The following RP1L1 variants were observed in gnomAD, a reference collection of about 807,000 sequenced individuals.
The protein encoded by RP1L1 is RP1 like 1, also known as retinitis pigmentosa 1-like 1 protein.
In RP1L1, 27 loss-of-function variants were observed where a neutral mutation model predicts 15.7. That is an observed-to-expected ratio of 1.72 (90% CI 1.27 to 2.38). The LOEUF (loss-of-function observed/expected upper bound fraction) is 2.38. Among genes scored for constraint, RP1L1 ranks in the 30% most tolerant of loss-of-function variants. RP1L1 has a pLI of 0.00. For missense variants in RP1L1, 4,798 were observed against 3,075.9 expected, an observed-to-expected ratio of 1.56 and a Z score of -13.24; for synonymous variants, 1,813 against 1,276.7, an observed-to-expected ratio of 1.42 and a Z score of -8.96.
chr8:10,626,709 T>G (rs540646437), intron 1 of RP1L1, among the ~76,000 whole-genome samples: 36 of 152,332 alleles, frequency 2.4e-4, no homozygotes, highest in Middle Eastern at 6.8e-3. Flanking sequence ...TTCAGGTATA[T>G]TAACACATGG....
At chr8:10,637,102 C>T (rs1343416006) in intron 1 of RP1L1, among the ~76,000 whole-genome samples, 2 of 152,186 alleles carry the variant, frequency 1.3e-5, no homozygotes, top group Non-Finnish European at 2.9e-5. Flanking sequence ...AAAAAGAATG[C>T]AAGGTTCGCT....
At position 10,606,634 on chromosome 8, in the gene RP1L1, G is replaced by C; in HGVS notation, c.*261C>G. 1.9e-6 allele frequency: 1 copy of C among 538,852 alleles called. No individual in the cohort carries two copies. The highest frequency in any genetic ancestry group is 3.4e-5 in the East Asian group (1 of 29,602). The allele number at this position is 538,852 out of a possible 1,614,324, so 33.4% of individuals were successfully genotyped here. A position where few individuals can be genotyped will look rare whatever the true frequency, so the allele number is the denominator to read the frequency against. ...CTGCAGACAAATAAATAGGAGCCGGGCTGACCTCCGATAACCGGGCAGATC... is the reference window on the plus strand; with the variant it reads ...CTGCAGACAAATAAATAGGAGCCGGCCTGACCTCCGATAACCGGGCAGATC... On this transcript the variant is annotated 3_prime_UTR_variant, in exon 4 of 4. Coordinates refer to ENST00000382483, the MANE Select transcript of RP1L1 (RefSeq NM_178857.6).
Position 10,611,474 on chromosome 8 carries a change from C to A in RP1L1, c.2624G>T (p.Ser875Ile). ...CCCCCGGGCAGTGCTTTGGTGGCTG[C>A]TGCCGGTGCTCCCACAGCTGGAAGA... ...RRSSSCGSTG[S>I]SHQSTARGPG... The change falls in exon 4 of 4, where the codon AGC (serine) becomes ATC (isoleucine). Residue 875 changes from serine (S) to isoleucine (I), a missense_variant. Coordinates refer to ENST00000382483, the MANE Select transcript of RP1L1 (RefSeq NM_178857.6). The A allele has an allele frequency of 6.4e-7, 1 of 1,569,576 alleles. No homozygotes were observed. The highest frequency in any genetic ancestry group is 1.3e-5 in the African/African-American group (1 of 74,390).
chr8:10,644,456 G>A (rs1798448078), intron 1 of RP1L1, among the ~76,000 whole-genome samples: 2 of 152,318 alleles, frequency 1.3e-5, no homozygotes, highest in East Asian at 1.9e-4. Flanking sequence ...GTCACACCAG[G>A]CCACATGGGT....
rs560006418 is a variant in RP1L1, at chr8:10,607,457, G to T, written c.6641C>A (p.Ala2214Asp). 1 of 1,613,384 alleles carries T rather than the reference G, an allele frequency of 6.2e-7. No homozygotes were observed. Among genetic ancestry groups the T allele is most frequent in the African/African-American group, 1.3e-5 (1 of 74,684 alleles). Residue 2214 changes from alanine to aspartate, a missense_variant, in exon 4 of 4, where the codon GCC becomes GAC. Ala to Asp is a moderately radical substitution (Grantham distance 126). Transcript: ENST00000382483. ...CTGGGCCTCCTCTTCAGCCTCCGGGGCCTCTACACCTTCTAACTCTGGTTG... is the reference window on the plus strand; with the variant it reads ...CTGGGCCTCCTCTTCAGCCTCCGGGTCCTCTACACCTTCTAACTCTGGTTG... ...EAQPELEGVE[A>D]PEAEEEAQPE...
Position 10,653,459 on chromosome 8 carries a change from A to AACACACACACACAC in RP1L1, c.-20+1425_-20+1438dup, listed in dbSNP as rs57172931. Among the ~76,000 whole-genome samples, 358 of 148,800 alleles carry AACACACACACACAC rather than the reference A, an allele frequency of 2.4e-3. 1 individual carries two copies. Among genetic ancestry groups the AACACACACACACAC allele is most frequent in the African/African-American group, 4.1e-3 (167 of 40,402 alleles). On this transcript the variant is annotated intron_variant, in intron 1 of 3. Transcript: ENST00000382483. ...TCCAAAACACCAGGTGTCTCCCTCC[A>AACACACACACACAC]ACACACACACACACACACATACACA... is the stretch of plus-strand genomic sequence containing the variant.
In RP1L1 at chr8:10,607,011, C is replaced by G. The variant is rs756891808; in HGVS notation, c.7087G>C (p.Glu2363Gln). The change falls in exon 4 of 4, where the codon GAG becomes CAG. Residue 2363 changes from glutamate (E) to glutamine (Q), a missense_variant. Transcript: ENST00000382483. ...EEAPLGSRTP[E>Q]QGASEGYDLQ... The stretch of plus-strand genomic sequence containing the variant: ...TCATAACCTTCACTGGCCCCCTGCT[C>G]TGGAGTCCTTGAGCCCAAAGGGGCC... The G allele has an allele frequency of 1.2e-6, 2 of 1,614,224 alleles. No homozygotes were observed. The highest frequency in any genetic ancestry group is 1.7e-6 in the Non-Finnish European group (2 of 1,180,044).
At chr8:10,620,656 C>T (rs1046977019) in intron 2 of RP1L1, among the ~76,000 whole-genome samples, 61 of 152,298 alleles carry the variant, frequency 4.0e-4, no homozygotes, top group African/African-American at 1.3e-3. Flanking sequence ...AAAGCTGAGA[C>T]GGTCACCTTG....
At chr8:10,627,054 C>T (rs983634949) in intron 1 of RP1L1, among the ~76,000 whole-genome samples, 1 of 152,166 alleles carries the variant, frequency 6.6e-6, no homozygotes, top group African/African-American at 2.4e-5. Flanking sequence ...AATGATGTGG[C>T]TGCTGTAGAA....
chr8:10,645,673 A>T (rs748491978), intron 1 of RP1L1, among the ~76,000 whole-genome samples: 1 of 152,170 alleles, frequency 6.6e-6, no homozygotes, highest in Admixed American at 6.5e-5. Context: ...GAAGGGAAGG[A>T]GTCGCGAGGC....
Position 10,610,042 on chromosome 8 carries a change from T to G in RP1L1, c.4056A>C (p.Glu1352Asp). Residue 1352 changes from glutamate to aspartate, a missense_variant, in exon 4 of 4, where the codon GAA becomes GAC. Transcript: ENST00000382483. ...KETEGEGQQE[E>D]EAQLEEIEET... ...CTTCAATTTCCTCTAACTGCGCCTCTTCTTCTTGCTGTCCTTCTCCTTCTG... is the reference window on the plus strand; with the variant it reads ...CTTCAATTTCCTCTAACTGCGCCTCGTCTTCTTGCTGTCCTTCTCCTTCTG... The G allele has an allele frequency of 3.8e-6, 5 of 1,307,550 alleles. No individual in the cohort carries two copies. Among genetic ancestry groups the G allele is most frequent in the Non-Finnish European group, 2.0e-6 (2 of 1,014,436 alleles). 81.0% of individuals were successfully genotyped at this position (1,307,550 alleles called of 1,614,324 possible).
intron 1 of RP1L1, among the ~76,000 whole-genome samples, chr8:10,631,090 C>T (rs1220248379): frequency 6.6e-6 from 1 of 152,046 alleles, no homozygotes; most frequent in Non-Finnish European, 1.5e-5. Context: ...GAGCCATGGT[C>T]GACTTCGGAA....
chr8:10,607,316 T>C lies in RP1L1; in HGVS notation c.6782A>G (p.Gln2261Arg), dbSNP rs766907658. The C allele has an allele frequency of 1.9e-6, 3 of 1,614,106 alleles. No homozygotes were observed. The African/African-American group carries it at 4.0e-5, about 22-fold the overall frequency. The change falls in exon 4 of 4, where the codon CAA (glutamine) becomes CGA (arginine). Residue 2261 changes from glutamine to arginine, a missense_variant. Coordinates refer to ENST00000382483, the MANE Select transcript of RP1L1 (RefSeq NM_178857.6). Reference protein sequence around the residue: ...GSPQVSLGDGQSEEASESSSP... With the variant: ...GSPQVSLGDGRSEEASESSSP... ...GCTGCTTTCAGAAGCCTCCTCAGAT[T>C]GGCCATCTCCTAGACTGACCTGAGG...
chr8:10,622,682 T>G lies in RP1L1; in HGVS notation c.520A>C (p.Asn174His), dbSNP rs760782145. 1 of 1,614,168 alleles carries G rather than the reference T, an allele frequency of 6.2e-7. No individual in the cohort carries two copies. Among genetic ancestry groups the G allele is most frequent in the African/African-American group, 1.3e-5 (1 of 75,040 alleles). Residue 174 changes from asparagine to histidine, a missense_variant, in exon 2 of 4, where the codon AAT becomes CAT. Asn to His is a moderately conservative substitution (Grantham distance 68, BLOSUM62 1). Coordinates refer to ENST00000382483, the MANE Select transcript of RP1L1 (RefSeq NM_178857.6). ...LQQTVVLSHR[N>H]TRNLAAFLGK... ...AGAAAGGCGGCCAGGTTCCTAGTAT[T>G]CCTGTGACTGAGAACCACTGTCTGC...
At position 10,611,495 on chromosome 8, in the gene RP1L1, G is replaced by T; in HGVS notation, c.2603C>A (p.Ser868Tyr). Residue 868 changes from serine (S) to tyrosine (Y), a missense_variant, in exon 4 of 4, where the codon TCC becomes TAC. Physicochemically the swap from Ser to Tyr is moderately radical, Grantham distance 144. Coordinates refer to ENST00000382483, the MANE Select transcript of RP1L1 (RefSeq NM_178857.6). ...GCTGCTGCCGGTGCTCCCACAGCTG[G>T]AAGAGCGCCTCTGGGGGCAGGGCCG... Reference protein sequence around the residue: ...RGRPCPQRRSSSCGSTGSSHQ... With the variant: ...RGRPCPQRRSYSCGSTGSSHQ... 2 of 1,574,422 alleles carry T rather than the reference G, an allele frequency of 1.3e-6. No homozygotes were observed. Among genetic ancestry groups the T allele is most frequent in the Non-Finnish European group, 8.6e-7 (1 of 1,162,144 alleles).
At chr8:10,621,031 A>T (rs1320004116) in intron 2 of RP1L1, 1 of 152,212 alleles carries the variant, frequency 6.6e-6, no homozygotes, top group Non-Finnish European at 1.5e-5. Flanking sequence ...TAGATAGCCT[A>T]ATTTTTGTCA....
Position 10,609,542 on chromosome 8 carries a change from A to G in RP1L1, c.4556T>C (p.Val1519Ala). The G allele has an allele frequency of 6.2e-7, 1 of 1,605,702 alleles. No homozygotes were observed. The highest frequency in any genetic ancestry group is 8.5e-7 in the Non-Finnish European group (1 of 1,177,222). ...SAALDCDPIW[V>A]SVLLKKTEKA... ...CTCCGTCTTCTTCAGTAACACGGACACCCAGATGGGGTCGCAGTCCAGAGC... is the reference window on the plus strand; with the variant it reads ...CTCCGTCTTCTTCAGTAACACGGACGCCCAGATGGGGTCGCAGTCCAGAGC... Residue 1519 changes from valine to alanine, a missense_variant, in exon 4 of 4, where the codon GTG becomes GCG. By Grantham distance (64) the Val-to-Ala change is moderately conservative. Transcript: ENST00000382483.
At chr8:10,623,610 C>A (rs1798111002) in intron 1 of RP1L1, among the ~76,000 whole-genome samples, 1 of 150,698 alleles carries the variant, frequency 6.6e-6, no homozygotes, top group African/African-American at 2.4e-5. Context: ...TCCATGTCCC[C>A]AGCACTTCCA....
chr8:10,613,782 C>T (rs775476229), intron 3 of RP1L1, among the ~76,000 whole-genome samples: 3 of 150,616 alleles, frequency 2.0e-5, no homozygotes, highest in Non-Finnish European at 4.4e-5. Context: ...AGAGCAAGAC[C>T]ATTAAAAAAA....
Sources: allele counts gnomAD v4.1 joint callset (sites outside exome capture counted in the v4.1 genomes callset), GRCh38; gene constraint gnomAD v4.1.1; transcripts MANE v1.5; gene names NCBI Gene and HGNC (gene_info 2026-07-23, HGNC 2026-07-21).